Variants in OTUD7A observed in about 807,000 individuals in gnomAD.
OTUD7A encodes OTU deubiquitinase 7A.
A neutral mutation model predicts 65.7 loss-of-function variants in OTUD7A; 12 were observed. That is an observed-to-expected ratio of 0.18 (90% confidence interval 0.12 to 0.30). OTUD7A has a LOEUF of 0.30. Ranked by LOEUF, OTUD7A falls within the 10% of genes least tolerant of loss-of-function variation. OTUD7A has a pLI of 1.00. For missense variants in OTUD7A, 1,148 were observed against 1,304.8 expected, an observed-to-expected ratio of 0.88 and a Z score of 1.85; for synonymous variants, 641 against 586.3, an observed-to-expected ratio of 1.09 and a Z score of -1.35.
At chr15:31,812,218 G>A (rs1896437518) in intron 1 of OTUD7A, among the ~76,000 whole-genome samples, 1 of 150,126 alleles carries the variant, frequency 6.7e-6, no homozygotes, top group South Asian at 2.3e-4. Flanking sequence ...ATACTAACCA[G>A]AATGCCCCAG....
chr15:31,743,049 C>T (rs1490192475), intron 1 of OTUD7A, among the ~76,000 whole-genome samples: 2 of 152,102 alleles, frequency 1.3e-5, no homozygotes, highest in African/African-American at 2.4e-5. Flanking sequence ...GCTAGAACAA[C>T]TAGACAGAAA....
At chr15:31,805,104 C>T (rs1274172624) in intron 1 of OTUD7A, among the ~76,000 whole-genome samples, 1 of 152,238 alleles carries the variant, frequency 6.6e-6, no homozygotes, top group African/African-American at 2.4e-5. Flanking sequence ...TCTCCACATA[C>T]ACACAGCCCC....
At chr15:31,489,161 CAT>C (rs2041282342) in intron 10 of OTUD7A, among the ~76,000 whole-genome samples, 1 of 152,212 alleles carries the variant, frequency 6.6e-6, no homozygotes, top group Admixed American at 6.5e-5. Context: ...GCTTCTTACT[CAT>C]GGGGCAGGGG....
intron 1 of OTUD7A, among the ~76,000 whole-genome samples, chr15:31,816,050 G>T (rs1896540653): frequency 6.6e-6 from 1 of 152,180 alleles, no homozygotes; most frequent in Non-Finnish European, 1.5e-5. Flanking sequence ...GATTCTGCTG[G>T]CCTCCAGGAA....
intron 6 of OTUD7A, among the ~76,000 whole-genome samples, chr15:31,530,428 G>A (rs1330823141): frequency 6.6e-6 from 1 of 152,160 alleles, no homozygotes. Flanking sequence ...ATTTGTACCA[G>A]GCGACGGTCT....
chr15:31,535,680 T>TG (rs1887774246), intron 5 of OTUD7A, among the ~76,000 whole-genome samples: 1 of 137,774 alleles, frequency 7.3e-6, no homozygotes, highest in Non-Finnish European at 1.6e-5. Context: ...TTTTGTTTTT[T>TG]TTTTTTTTTT....
chr15:31,785,778 T>C (rs965298298), intron 1 of OTUD7A, among the ~76,000 whole-genome samples: 1 of 152,332 alleles, frequency 6.6e-6, no homozygotes, highest in South Asian at 2.1e-4. Context: ...ACAAGTGAGA[T>C]AAACATACTT....
chr15:31,540,292 A>G (rs758252939), intron 5 of OTUD7A, among the ~76,000 whole-genome samples: 4 of 152,202 alleles, frequency 2.6e-5, no homozygotes, highest in African/African-American at 4.8e-5. Context: ...GAGGTGAAAG[A>G]CCTGATTTCC....
intron 1 of OTUD7A, among the ~76,000 whole-genome samples, chr15:31,839,099 G>C (rs1255889726): frequency 1.3e-5 from 2 of 152,202 alleles, no homozygotes; most frequent in African/African-American, 4.8e-5. Context: ...CAGCAGAGTG[G>C]CTGGCCAGGT....
intron 3 of OTUD7A, among the ~76,000 whole-genome samples, chr15:31,638,350 A>G (rs1595676321): frequency 1.3e-5 from 2 of 151,138 alleles, no homozygotes; most frequent in Non-Finnish European, 2.9e-5. Context: ...TTGAACACTT[A>G]GTAGACTACA....
At chr15:31,729,534 A>T (rs1254464917) in intron 1 of OTUD7A, among the ~76,000 whole-genome samples, 2 of 152,194 alleles carry the variant, frequency 1.3e-5, no homozygotes, top group African/African-American at 4.8e-5. Context: ...TTCCTTTTAA[A>T]GTTAAAACTG....
chr15:31,562,786 C>T (rs1190774267), intron 4 of OTUD7A, among the ~76,000 whole-genome samples: 1 of 152,198 alleles, frequency 6.6e-6, no homozygotes, highest in Non-Finnish European at 1.5e-5. Flanking sequence ...CTTTGCAGCA[C>T]TAAAGCCGTC....
At chr15:31,550,523 G>T (rs1325732976) in intron 5 of OTUD7A, among the ~76,000 whole-genome samples, 2 of 152,168 alleles carry the variant, frequency 1.3e-5, no homozygotes, top group African/African-American at 4.8e-5. Flanking sequence ...TGGAACCTCA[G>T]TCATTCAGCT....
At chr15:31,737,976 T>C (rs892840952) in intron 1 of OTUD7A, among the ~76,000 whole-genome samples, 4 of 152,222 alleles carry the variant, frequency 2.6e-5, no homozygotes, top group African/African-American at 7.2e-5. Context: ...AGTTTGTACA[T>C]AGTATCTGTT....
chr15:31,814,036 TGTAGACTA>T (rs1896487954), intron 1 of OTUD7A, among the ~76,000 whole-genome samples: 1 of 152,240 alleles, frequency 6.6e-6, no homozygotes. Flanking sequence ...CATCAATCCA[TGTAGACTA>T]GGTCACCATG....
chr15:31,723,396 C>A (rs1278109559), intron 1 of OTUD7A, among the ~76,000 whole-genome samples: 2 of 1,558 alleles, frequency 1.3e-3, no homozygotes, highest in Non-Finnish European at 2.9e-3. Context: ...CGCACGCCAC[C>A]CCCCCCCCCC....
chr15:31,720,424 C>T (rs536019815), intron 1 of OTUD7A, among the ~76,000 whole-genome samples: 1 of 143,284 alleles, frequency 7.0e-6, no homozygotes, highest in Admixed American at 7.2e-5. Context: ...TTTTTTGAGA[C>T]GGAGTCTCGC....
chr15:31,505,456 A>C (rs1357882363), intron 8 of OTUD7A, among the ~76,000 whole-genome samples: 1 of 152,144 alleles, frequency 6.6e-6, no homozygotes, highest in African/African-American at 2.4e-5. Context: ...TCTTTGAATA[A>C]ATTTTGCTTC....
At chr15:31,542,786 C>T (rs1471143052) in intron 5 of OTUD7A, among the ~76,000 whole-genome samples, 12 of 150,660 alleles carry the variant, frequency 8.0e-5, no homozygotes, top group Admixed American at 7.9e-4. Context: ...GATAGACTGA[C>T]AGCCTACCTC....
Sources: allele counts gnomAD v4.1 joint callset (sites outside exome capture counted in the v4.1 genomes callset), GRCh38; gene constraint gnomAD v4.1.1; transcripts MANE v1.5; gene names NCBI Gene and HGNC (gene_info 2026-07-23, HGNC 2026-07-21).